The following ADGRV1 variants were observed in gnomAD, a reference collection of about 807,000 sequenced individuals.
The protein encoded by ADGRV1 is G-protein coupled receptor 98.
A neutral mutation model predicts 596.2 loss-of-function variants in ADGRV1; 359 were observed. The observed-to-expected ratio is 0.60, with a 90% CI of 0.55 to 0.66. ADGRV1 has a LOEUF of 0.66. ADGRV1 is among the 30% of genes least tolerant of loss of function. The probability of loss-of-function intolerance (pLI) is 0.00; values close to 1 mark genes in which losing one functional copy is unlikely to be tolerated. For synonymous variants in ADGRV1, 2,681 were observed against 2,679.2 expected (o/e 1.00, Z -0.02); for missense variants, 7,274 against 7,575.6 (o/e 0.96, Z 1.48).
intron 83 of ADGRV1, among the ~76,000 whole-genome samples, chr5:90,959,353 A>G (rs1777769565): frequency 6.6e-6 from 1 of 152,156 alleles, no homozygotes; most frequent in Non-Finnish European, 1.5e-5. Flanking sequence ...GAGAAGACCT[A>G]AATAAATGGA....
chr5:91,105,158 C>A (rs763310520), intron 87 of ADGRV1, among the ~76,000 whole-genome samples: 1 of 152,122 alleles, frequency 6.6e-6, no homozygotes, highest in Non-Finnish European at 1.5e-5. Context: ...CATGAGCCAC[C>A]GCACCCAGCT....
chr5:90,572,780 G>A (rs1756708136), intron 1 of ADGRV1, among the ~76,000 whole-genome samples: 1 of 152,130 alleles, frequency 6.6e-6, no homozygotes, highest in Non-Finnish European at 1.5e-5. Context: ...CCTTGGAAAA[G>A]GGAAGGATCT....
At chr5:90,699,157 G>A (rs770110068) in intron 34 of ADGRV1, among the ~76,000 whole-genome samples, 2 of 152,150 alleles carry the variant, frequency 1.3e-5, no homozygotes, top group African/African-American at 2.4e-5. Context: ...ATATCCAAAA[G>A]CAGTATCTAT....
intron 83 of ADGRV1, among the ~76,000 whole-genome samples, chr5:90,926,765 G>A (rs1394485658): frequency 1.3e-5 from 2 of 148,408 alleles, no homozygotes; most frequent in East Asian, 2.0e-4. Flanking sequence ...TCTCTTGTGG[G>A]CATTTAGTGC....
At chr5:91,007,125 G>A (rs546182905) in intron 85 of ADGRV1, among the ~76,000 whole-genome samples, 17 of 152,172 alleles carry the variant, frequency 1.1e-4, no homozygotes, top group South Asian at 2.1e-4. Context: ...TTAACTAATC[G>A]TAATTAAAAT....
At chr5:90,616,549 C>T (rs1194181435) in intron 2 of ADGRV1, among the ~76,000 whole-genome samples, 1 of 152,070 alleles carries the variant, frequency 6.6e-6, no homozygotes, top group Admixed American at 6.6e-5. Context: ...TGGCAGGCCA[C>T]ATACATCTCT....
At chr5:90,920,011 A>AG (rs1773735853) in intron 83 of ADGRV1, among the ~76,000 whole-genome samples, 3 of 151,786 alleles carry the variant, frequency 2.0e-5, no homozygotes, top group Admixed American at 6.6e-5. Flanking sequence ...AAAAAAAAAA[A>AG]AAAAGAAAAA....
chr5:90,955,517 G>C (rs1777398500), intron 83 of ADGRV1, among the ~76,000 whole-genome samples: 1 of 152,144 alleles, frequency 6.6e-6, no homozygotes. Context: ...CTGGAATCAG[G>C]CATGTGGCAA....
chr5:90,625,054 C>T, intron 5 of ADGRV1, 76 bp from the exon 6 acceptor site: 1 of 826,746 alleles, frequency 1.2e-6, no homozygotes, highest in Non-Finnish European at 2.0e-6. Context: ...TTTTTGTCAG[C>T]TGACATCACA....
chr5:91,094,884 G>A (rs1488045453), intron 86 of ADGRV1, among the ~76,000 whole-genome samples: 1 of 152,104 alleles, frequency 6.6e-6, no homozygotes. Context: ...CTTGGAGGAA[G>A]ATAACATTGG....
At chr5:90,975,788 C>T (rs1001981329) in intron 84 of ADGRV1, among the ~76,000 whole-genome samples, 1 of 151,864 alleles carries the variant, frequency 6.6e-6, no homozygotes, top group Non-Finnish European at 1.5e-5. Flanking sequence ...ACCAAGATGG[C>T]ACATGTATAC....
chr5:90,629,824 C>T (rs1253995020), intron 9 of ADGRV1: 4 of 238,948 alleles, frequency 1.7e-5, no homozygotes, highest in South Asian at 1.0e-4. Flanking sequence ...TCATGGATGA[C>T]ATAGTAGAGT....
chr5:90,885,567 T>C (rs1006331503), intron 83 of ADGRV1, among the ~76,000 whole-genome samples: 5 of 152,110 alleles, frequency 3.3e-5, no homozygotes, highest in Admixed American at 1.3e-4. Context: ...ATGGATCAAA[T>C]GGTTATTACA....
chr5:90,674,457 T>TTTGCAGGA (rs1772946736), intron 23 of ADGRV1: 2 of 356,734 alleles, frequency 5.6e-6, no homozygotes, highest in South Asian at 2.6e-4. Flanking sequence ...TTGAAAAGTT[T>TTTGCAGGA]TTGCAGGATT....
chr5:91,160,621 C>A (rs1189474995), intron 89 of ADGRV1, among the ~76,000 whole-genome samples: 1 of 152,138 alleles, frequency 6.6e-6, no homozygotes, highest in Non-Finnish European at 1.5e-5. Flanking sequence ...TTATCACAGT[C>A]GCTGGATTTT....
intron 83 of ADGRV1, among the ~76,000 whole-genome samples, chr5:90,949,232 A>G (rs922112881): frequency 6.6e-6 from 1 of 152,142 alleles, no homozygotes; most frequent in African/African-American, 2.4e-5. Context: ...GGGTAATGAG[A>G]GAGCCTTGCA....
chr5:90,849,566 T>A (rs1388337444), intron 79 of ADGRV1, among the ~76,000 whole-genome samples: 1 of 152,040 alleles, frequency 6.6e-6, no homozygotes, highest in Non-Finnish European at 1.5e-5. Context: ...ATTTTTGTAT[T>A]TTTTGTAGAG....
intron 85 of ADGRV1, among the ~76,000 whole-genome samples, chr5:91,002,242 T>C (rs1425892017): frequency 1.3e-5 from 2 of 152,206 alleles, no homozygotes; most frequent in African/African-American, 2.4e-5. Context: ...CACAGTCTAT[T>C]TGCTATTTTT....
chr5:91,060,677 T>C (rs1259628270), intron 85 of ADGRV1, among the ~76,000 whole-genome samples: 1 of 152,210 alleles, frequency 6.6e-6, no homozygotes, highest in African/African-American at 2.4e-5. Context: ...TTAAGTTATT[T>C]AGGATCACCA....
Sources: gnomAD v4.1 joint callset for allele counts (sites outside exome capture counted in the v4.1 genomes callset) on GRCh38, gnomAD v4.1.1 for gene constraint, MANE v1.5 for transcripts, NCBI Gene and HGNC (gene_info 2026-07-23, HGNC 2026-07-21) for gene names.